TCERG1L: variants seen among roughly 807,000 people sequenced by gnomAD.
TCERG1L encodes transcription elongation regulator 1 like.
TCERG1L carries 37 observed loss-of-function variants against 56.3 expected under a neutral mutation model. That is an observed-to-expected ratio of 0.66 (90% CI 0.51 to 0.87). The LOEUF is 0.87. Ranked by LOEUF, TCERG1L falls within the 40% of genes least tolerant of loss-of-function variation. TCERG1L has a pLI of 0.00. For synonymous variants in TCERG1L, 324 were observed against 326.3 expected (o/e 0.99, Z 0.08); for missense variants, 799 against 774.2 (o/e 1.03, Z -0.38).
chr10:131,305,839 A>T (rs889163367), intron 3 of TCERG1L, among the ~76,000 whole-genome samples: 2 of 150,658 alleles, frequency 1.3e-5, no homozygotes, highest in Non-Finnish European at 1.5e-5. Flanking sequence ...TAATATAACT[A>T]TTATATAATA....
chr10:131,150,573 C>T (rs1156707939), intron 6 of TCERG1L, among the ~76,000 whole-genome samples: 1 of 152,142 alleles, frequency 6.6e-6, no homozygotes, highest in African/African-American at 2.4e-5. Context: ...GAGCCCTGAG[C>T]CAGTTGAGGG....
intron 8 of TCERG1L, among the ~76,000 whole-genome samples, chr10:131,129,352 A>G (rs890154387): frequency 2.6e-5 from 4 of 152,262 alleles, no homozygotes; most frequent in African/African-American, 9.6e-5. Flanking sequence ...ATTATATTCT[A>G]GAATATTTAC....
rs1846221611 is a variant in TCERG1L at position 131,260,256 on chromosome 10, TACCTGAG to T, written c.852_856+2del. 7.4e-7 allele frequency: 1 copy of T among 1,358,488 alleles called. No homozygotes were observed. Among genetic ancestry groups the T allele is most frequent in the African/African-American group, 1.5e-5 (1 of 66,628 alleles). The allele number at this position is 1,358,488 out of a possible 1,614,324, so 84.2% of individuals were successfully genotyped here. On this transcript the variant is annotated splice_donor_variant and coding_sequence_variant, in exon 4 of 12. Transcript: ENST00000368642. LOFTEE classifies it high-confidence loss of function. This position sits in a 1 kb window ranked among gnomAD's most constrained non-coding sequence, Gnocchi z 5.8. ...AGGCGTCGGGACGGCGCTCCGAGCC[TACCTGAG>T]ACGGGGGACGTCCGGAGGGGTATTT...
chr10:131,159,185 T>A (rs1399421902), intron 6 of TCERG1L, among the ~76,000 whole-genome samples: 1 of 152,166 alleles, frequency 6.6e-6, no homozygotes, highest in African/African-American at 2.4e-5. Flanking sequence ...TTCTGTCAGC[T>A]CAGGGCAAAC....
intron 3 of TCERG1L, among the ~76,000 whole-genome samples, chr10:131,282,387 T>C (rs1006450281): frequency 1.5e-5 from 2 of 135,090 alleles, no homozygotes; most frequent in African/African-American, 5.3e-5. Flanking sequence ...CCTGATGCAA[T>C]TGTTTTACAA....
intron 9 of TCERG1L, among the ~76,000 whole-genome samples, chr10:131,113,037 C>T (rs1006489437): frequency 7.0e-6 from 1 of 142,378 alleles, no homozygotes; most frequent in African/African-American, 2.5e-5. Flanking sequence ...GGAGGCTGGG[C>T]CTGCAGGCAA....
At chr10:131,141,470 A>G (rs193083327) in intron 7 of TCERG1L, among the ~76,000 whole-genome samples, 2 of 152,092 alleles carry the variant, frequency 1.3e-5, no homozygotes, top group East Asian at 3.9e-4. Context: ...TCCCCAACCC[A>G]CAAGGCATAG....
chr10:131,148,435 CA>C (rs1210223265), intron 6 of TCERG1L, among the ~76,000 whole-genome samples: 2 of 151,592 alleles, frequency 1.3e-5, no homozygotes, highest in Non-Finnish European at 2.9e-5. Context: ...GAGACACACA[CA>C]TGCAGAGATA....
intron 3 of TCERG1L, among the ~76,000 whole-genome samples, chr10:131,272,708 C>T (rs529482821): frequency 1.3e-5 from 2 of 152,288 alleles, no homozygotes; most frequent in African/African-American, 4.8e-5. Flanking sequence ...TGCCGTCCAG[C>T]GTGGATGGGG....
intron 3 of TCERG1L, among the ~76,000 whole-genome samples, chr10:131,281,635 C>T (rs1379921423): frequency 6.6e-6 from 1 of 152,124 alleles, no homozygotes; most frequent in African/African-American, 2.4e-5. Flanking sequence ...CAAACCCTCC[C>T]TAGAGAGAAT....
intron 6 of TCERG1L, among the ~76,000 whole-genome samples, chr10:131,154,224 C>T (rs897947010): frequency 7.2e-5 from 11 of 152,272 alleles, no homozygotes; most frequent in African/African-American, 2.4e-4. Context: ...CACCAAGCAG[C>T]CGCAATATAG....
At chr10:131,200,436 G>A (rs921913265) in intron 4 of TCERG1L, among the ~76,000 whole-genome samples, 10 of 152,206 alleles carry the variant, frequency 6.6e-5, no homozygotes, top group South Asian at 2.1e-4. Flanking sequence ...CTCAAACCTC[G>A]AGATGTAATG....
Position 131,134,463 on chromosome 10 carries a change from G to C in TCERG1L, c.1190-15C>G, listed in dbSNP as rs1347721962. 52 of 1,578,006 alleles carry C rather than the reference G, an allele frequency of 3.3e-5. No individual in the cohort carries two copies. The highest frequency in any genetic ancestry group is 4.4e-5 in the Non-Finnish European group (51 of 1,160,842). On this transcript the variant is annotated splice_polypyrimidine_tract_variant and intron_variant, in intron 7 of 11. Transcript: ENST00000368642. ...GCTGTTGTCAGCTGAAAGAAAATCA[G>C]ATGAACAGGGTTAGAGTTGTCAGAG... is the stretch of plus-strand genomic sequence containing the variant.
chr10:131,173,835 A>C (rs1846117307), intron 4 of TCERG1L, among the ~76,000 whole-genome samples: 1 of 152,200 alleles, frequency 6.6e-6, no homozygotes, highest in African/African-American at 2.4e-5. Context: ...AGTGTCCTCC[A>C]GATGATGTCA....
chr10:131,199,296 A>C (rs1157709304), intron 4 of TCERG1L, among the ~76,000 whole-genome samples: 1 of 152,184 alleles, frequency 6.6e-6, no homozygotes, highest in Non-Finnish European at 1.5e-5. Context: ...GGATGTTCCA[A>C]CTTTAAGCTC....
At chr10:131,295,715 C>T (rs1846682987) in intron 3 of TCERG1L, among the ~76,000 whole-genome samples, 1 of 152,174 alleles carries the variant, frequency 6.6e-6, no homozygotes, top group South Asian at 2.1e-4. Flanking sequence ...TTTACCATTT[C>T]TTTGTGGTTG....
rs1846258351 is a variant in TCERG1L at position 131,263,923 on chromosome 10, T to TA, written c.671-3480dup. Among the ~76,000 whole-genome samples the TA allele has an allele frequency of 2.6e-5, 4 of 152,282 alleles. No homozygotes were observed. The South Asian group carries it at 8.3e-4, about 32-fold the overall frequency. On this transcript the variant is annotated intron_variant, in intron 3 of 11. Coordinates refer to ENST00000368642, the MANE Select transcript of TCERG1L (RefSeq NM_174937.4). The stretch of plus-strand genomic sequence containing the variant: ...TGGGCCTCTGAGTGAGCGCAAAAGT[T>TA]AAAGTCCTTGCTGGGAAGTTATTTC...
intron 3 of TCERG1L, among the ~76,000 whole-genome samples, chr10:131,268,193 C>A (rs899936288): frequency 1.3e-5 from 2 of 152,228 alleles, no homozygotes; most frequent in African/African-American, 4.8e-5. Flanking sequence ...CTGCACCTCC[C>A]TGCTGCAGCT....
intron 3 of TCERG1L, among the ~76,000 whole-genome samples, chr10:131,273,599 C>A (rs1846362599): frequency 6.6e-6 from 1 of 152,216 alleles, no homozygotes; most frequent in Non-Finnish European, 1.5e-5. Flanking sequence ...TCCATCCAGG[C>A]CCCTGGGCTG....
Sources: allele counts gnomAD v4.1 joint callset (sites outside exome capture counted in the v4.1 genomes callset), GRCh38; gene constraint gnomAD v4.1.1; non-coding constraint Gnocchi (gnomAD v3.1); transcripts MANE v1.5; gene names NCBI Gene and HGNC (gene_info 2026-07-23, HGNC 2026-07-21).